The following LRP1B variants were observed in gnomAD, a reference collection of about 807,000 sequenced individuals.
LRP1B encodes the protein LDL receptor related protein 1B.
A neutral mutation model predicts 556.6 loss-of-function variants in LRP1B; 217 were observed. That is an observed-to-expected ratio of 0.39 (90% CI 0.35 to 0.44). The LOEUF is 0.44. Ranked by LOEUF, LRP1B falls within the 20% of genes least tolerant of loss-of-function variation. The probability of loss-of-function intolerance (pLI) is 1.00; values close to 1 mark genes in which losing one functional copy is unlikely to be tolerated. For synonymous variants in LRP1B, 2,047 were observed against 1,865.8 expected, an observed-to-expected ratio of 1.10 and a Z score of -2.50; for missense variants, 5,053 against 5,620.8, an observed-to-expected ratio of 0.90 and a Z score of 3.23.
chr2:141,694,143 A>G (rs529478592), intron 2 of LRP1B, among the ~76,000 whole-genome samples: 4 of 151,668 alleles, frequency 2.6e-5, no homozygotes, highest in African/African-American at 9.7e-5. Context: ...CTCTCCCTCT[A>G]CCTCTACCTC....
intron 57 of LRP1B, among the ~76,000 whole-genome samples, chr2:140,491,019 A>G (rs1688677233): frequency 6.6e-6 from 1 of 152,158 alleles, no homozygotes; most frequent in African/African-American, 2.4e-5. Flanking sequence ...TTTTAAAAAA[A>G]GAGCATTAAA....
chr2:140,907,454 T>A (rs1694289774), intron 22 of LRP1B, among the ~76,000 whole-genome samples: 1 of 152,086 alleles, frequency 6.6e-6, no homozygotes, highest in Non-Finnish European at 1.5e-5. Context: ...CTCTTTCCCT[T>A]CCTAAAAATC....
chr2:140,803,868 C>G (rs1429234686), intron 32 of LRP1B, among the ~76,000 whole-genome samples: 1 of 113,136 alleles, frequency 8.8e-6, no homozygotes, highest in Non-Finnish European at 1.8e-5. Flanking sequence ...CCCTCCCCCA[C>G]CCCCCCAACC....
intron 18 of LRP1B, among the ~76,000 whole-genome samples, chr2:140,971,900 C>T (rs1185960467): frequency 6.6e-6 from 1 of 152,176 alleles, no homozygotes; most frequent in East Asian, 1.9e-4. Context: ...CCATCCAAGA[C>T]CTACTGAATG....
At chr2:142,076,892 G>A (rs1282922571) in intron 1 of LRP1B, among the ~76,000 whole-genome samples, 1 of 152,038 alleles carries the variant, frequency 6.6e-6, no homozygotes, top group Non-Finnish European at 1.5e-5. Flanking sequence ...TATGTAAATA[G>A]TTTTTGAGCA....
intron 41 of LRP1B, among the ~76,000 whole-genome samples, chr2:140,612,238 G>T: frequency 6.6e-6 from 1 of 152,066 alleles, no homozygotes; most frequent in Non-Finnish European, 1.5e-5. Flanking sequence ...ATTCAGGAAA[G>T]TGTATGTTAT....
At chr2:141,547,702 C>G (rs1446824368) in intron 2 of LRP1B, among the ~76,000 whole-genome samples, 4 of 152,144 alleles carry the variant, frequency 2.6e-5, no homozygotes, top group African/African-American at 9.7e-5. Context: ...TCTCCTACCT[C>G]ACCTTCCATG....
rs373206971 is a variant in LRP1B, at chr2:140,850,288, T to C, written c.4753A>G (p.Arg1585Gly). 6.2e-7 allele frequency: 1 copy of C among 1,612,910 alleles called. No individual in the cohort carries two copies. Among genetic ancestry groups the C allele is most frequent in the Non-Finnish European group, 8.5e-7 (1 of 1,179,222 alleles). ...FLLYARRSEIRGVDIDNPYFN... is the reference protein window; with the variant it reads ...FLLYARRSEIGGVDIDNPYFN... ...TATGGATTGTCAATATCCACTCCTC[T>C]GATTTCAGAACGTCTTGCATAAAGA... Residue 1585 changes from arginine (R) to glycine (G), a missense_variant, in exon 29 of 91, where the codon AGA (arginine) becomes GGA (glycine). Arg to Gly is a moderately radical substitution (Grantham distance 125). Transcript: ENST00000389484.
At chr2:141,191,202 T>C (rs990734858) in intron 6 of LRP1B, among the ~76,000 whole-genome samples, 2 of 152,008 alleles carry the variant, frequency 1.3e-5, no homozygotes, top group Non-Finnish European at 2.9e-5. Context: ...CATTTCCTTA[T>C]GAATGCTTCT....
chr2:140,345,400 TCA>T (rs1406299539), intron 77 of LRP1B, among the ~76,000 whole-genome samples: 3 of 151,656 alleles, frequency 2.0e-5, no homozygotes, highest in Non-Finnish European at 2.9e-5. Flanking sequence ...CTCTCCTCTC[TCA>T]GTTTTTGTAC....
intron 2 of LRP1B, among the ~76,000 whole-genome samples, chr2:141,503,304 T>TA (rs1683799961): frequency 6.7e-6 from 1 of 148,810 alleles, no homozygotes; most frequent in Non-Finnish European, 1.5e-5. Context: ...ATATATATAT[T>TA]AGAGTAGAGG....
At chr2:140,647,014 C>T (rs1684508970) in intron 41 of LRP1B, among the ~76,000 whole-genome samples, 1 of 151,970 alleles carries the variant, frequency 6.6e-6, no homozygotes, top group African/African-American at 2.4e-5. Context: ...CAAATTTATA[C>T]TCTAGAGAAA....
intron 3 of LRP1B, among the ~76,000 whole-genome samples, chr2:141,291,403 T>A (rs893251454): frequency 6.6e-6 from 1 of 152,200 alleles, no homozygotes; most frequent in African/African-American, 2.4e-5. Flanking sequence ...GAACAAATTA[T>A]TTCATTGCTT....
At chr2:140,769,183 T>C (rs1201516107) in intron 35 of LRP1B, 30 bp downstream of exon 35, 2 of 1,594,856 alleles carry the variant, frequency 1.3e-6, no homozygotes, top group South Asian at 1.1e-5. Flanking sequence ...GAATATATTA[T>C]GCATAAATTA....
intron 1 of LRP1B, among the ~76,000 whole-genome samples, chr2:141,992,454 G>T (rs10200401): frequency 7.9e-5 from 12 of 151,888 alleles, no homozygotes; most frequent in African/African-American, 2.2e-4. Flanking sequence ...TTACCACACA[G>T]GAAAATGTCT....
intron 2 of LRP1B, among the ~76,000 whole-genome samples, chr2:141,539,654 T>G (rs1685184875): frequency 6.6e-6 from 1 of 152,162 alleles, no homozygotes; most frequent in South Asian, 2.1e-4. Flanking sequence ...CTTGAAAGAT[T>G]CAGATAGCAA....
At chr2:140,854,029 A>C (rs1288078090) in intron 27 of LRP1B, among the ~76,000 whole-genome samples, 1 of 151,060 alleles carries the variant, frequency 6.6e-6, no homozygotes, top group Non-Finnish European at 1.5e-5. Flanking sequence ...GGTAGATAGA[A>C]AGAGAAAACT....
chr2:141,477,671 A>G (rs1682763338), intron 3 of LRP1B, among the ~76,000 whole-genome samples: 1 of 152,188 alleles, frequency 6.6e-6, no homozygotes, highest in African/African-American at 2.4e-5. Flanking sequence ...TATTTTCTCA[A>G]TGCAGAAAGA....
intron 6 of LRP1B, among the ~76,000 whole-genome samples, chr2:141,210,565 T>C (rs978181744): frequency 2.6e-5 from 4 of 152,156 alleles, no homozygotes; most frequent in African/African-American, 9.6e-5. Flanking sequence ...AAGTTTCTGA[T>C]TGGTAGATAA....
Sources: gnomAD v4.1 joint callset for allele counts (sites outside exome capture counted in the v4.1 genomes callset) on GRCh38, gnomAD v4.1.1 for gene constraint, MANE v1.5 for transcripts, NCBI Gene and HGNC (gene_info 2026-07-23, HGNC 2026-07-21) for gene names.